PSMD6: variants seen among roughly 807,000 people sequenced by gnomAD.
PSMD6 encodes the protein proteasome 26S subunit, non-ATPase 6.
In PSMD6, 7 loss-of-function variants were observed where a neutral mutation model predicts 44.9. That is an observed-to-expected ratio of 0.16 (90% CI 0.09 to 0.29). The LOEUF is 0.29. Ranked by LOEUF, PSMD6 falls within the 10% of genes least tolerant of loss-of-function variation. The probability of loss-of-function intolerance (pLI) is 1.00; values close to 1 mark genes in which losing one functional copy is unlikely to be tolerated. For synonymous variants in PSMD6, 184 were observed against 172.7 expected (o/e 1.07, Z -0.51); for missense variants, 420 against 482.6 (o/e 0.87, Z 1.21).
chr3:64,023,616 C>G, upstream of PSMD6: 4 of 1,417,274 alleles, frequency 2.8e-6, no homozygotes, highest in Non-Finnish European at 3.7e-6. Context: ...TGTGTGGTCA[C>G]GGGGGCTTTT....
Position 64,019,352 on chromosome 3 carries a change from A to G in PSMD6, c.441T>C (p.Ile147=), listed in dbSNP as rs146238043. ...RLDIVFYLLR[I]GLFYMDNDLI... Reference sequence around the variant, plus strand: ...GATCATTATCCATATAAAATAAGCCAATCCTAAGGAGATAGAATACAATAT... The same window carrying G: ...GATCATTATCCATATAAAATAAGCCGATCCTAAGGAGATAGAATACAATAT... Residue 147 remains isoleucine, a synonymous_variant, in exon 3 of 8, where the codon ATT becomes ATC. Coordinates refer to ENST00000295901, the MANE Select transcript of PSMD6 (RefSeq NM_014814.3). 55 of 1,600,574 alleles carry G rather than the reference A, an allele frequency of 3.4e-5. 1 individual carries two copies. The Admixed American group carries it at 7.3e-4, about 21-fold the overall frequency.
At chr3:64,013,380 TCA>T in intron 6 of PSMD6, 57 bp downstream of exon 6, 1 of 1,437,060 alleles carries the variant, frequency 7.0e-7, no homozygotes, top group Non-Finnish European at 9.3e-7. Context: ...TTGTACAAGT[TCA>T]CATATTTTAA....
chr3:64,015,471 G>A (rs2076028210), intron 5 of PSMD6: 1 of 152,178 alleles, frequency 6.6e-6, no homozygotes, highest in Non-Finnish European at 1.5e-5. Context: ...ATACTAGGAA[G>A]TCCTTAAGAA....
At chr3:64,022,649 G>A (rs778419754) in intron 1 of PSMD6, 126 bp from the exon 2 acceptor site, 10 of 1,551,084 alleles carry the variant, frequency 6.4e-6, no homozygotes, top group Non-Finnish European at 8.7e-6. Flanking sequence ...TAACAGGAAG[G>A]CATGCGATGG....
intron 1 of PSMD6, 95 bp downstream of exon 1, chr3:64,023,180 G>T (rs953255493): frequency 6.9e-7 from 1 of 1,450,412 alleles, no homozygotes; most frequent in South Asian, 1.4e-5. Flanking sequence ...CCGTCAGAGG[G>T]GTCTGGAGCT....
In PSMD6 at chr3:64,023,425, C is replaced by T; in HGVS notation, c.-6G>A. ...TCCAGGTTCTCCAGCGGCATCGCGG[C>T]GAAGGGGACAGCGGCTGACAGGACA... On this transcript the variant is annotated 5_prime_UTR_variant, in exon 1 of 8. Coordinates refer to ENST00000295901, the MANE Select transcript of PSMD6 (RefSeq NM_014814.3). The T allele has an allele frequency of 2.5e-6, 4 of 1,595,026 alleles. No homozygotes were observed. The highest frequency in any genetic ancestry group is 3.4e-6 in the Non-Finnish European group (4 of 1,167,786).
chr3:64,017,303 C>T (rs1326826818), intron 5 of PSMD6: 2 of 152,026 alleles, frequency 1.3e-5, no homozygotes, highest in African/African-American at 4.8e-5. Context: ...TGATTTATAC[C>T]TCAGTTTTTT....
At chr3:64,013,694 C>CAACA (rs2075998304) in intron 5 of PSMD6, 87 bp from the exon 6 acceptor site, 1 of 1,200,840 alleles carries the variant, frequency 8.3e-7, no homozygotes, top group Admixed American at 2.9e-5. Flanking sequence ...TAGTTGAGTC[C>CAACA]AACAGATAGA....
At chr3:64,013,815 G>C (rs2076001033) in intron 5 of PSMD6, 1 of 403,460 alleles carries the variant, frequency 2.5e-6, no homozygotes, top group Non-Finnish European at 4.4e-6. Context: ...TCAAGTAACA[G>C]GTGGCTATTT....
At chr3:64,022,876 G>C in intron 1 of PSMD6, 1 of 1,512,836 alleles carries the variant, frequency 6.6e-7, no homozygotes, top group East Asian at 2.5e-5. Context: ...CACTACAGAA[G>C]GGCCAGAAAG....
intron 2 of PSMD6, among the ~76,000 whole-genome samples, chr3:64,020,241 A>G (rs371495300): frequency 1.3e-5 from 2 of 152,204 alleles, no homozygotes; most frequent in African/African-American, 4.8e-5. Flanking sequence ...CACCATAAAG[A>G]ATAAGACTCT....
upstream of PSMD6, chr3:64,023,517 C>T (rs1436643630): frequency 9.1e-6 from 13 of 1,434,964 alleles, no homozygotes; most frequent in African/African-American, 1.5e-5. Context: ...CGGCCGCCTG[C>T]GGCCCGGCTT....
chr3:64,015,465 T>A (rs920059153), intron 5 of PSMD6: 2 of 152,246 alleles, frequency 1.3e-5, no homozygotes, highest in African/African-American at 4.8e-5. Flanking sequence ...ATTGAAATAC[T>A]AGGAAGTCCT....
intron 6 of PSMD6, chr3:64,011,770 A>G (rs983170642): frequency 1.3e-5 from 2 of 152,204 alleles, no homozygotes; most frequent in African/African-American, 2.4e-5. Context: ...GCCCCTAACT[A>G]ATGAAGGCTT....
rs774301078 is a variant in PSMD6 at position 64,019,067 on chromosome 3, C to A, written c.498-30G>T. On this transcript the variant is annotated intron_variant, in intron 3 of 7. Transcript: ENST00000295901. The stretch of plus-strand genomic sequence containing the variant: ...GAAATAAAAACAGTAAGATCATAGT[C>A]TGGAAACAGACAAGGCCACGTTTTA... 1.5e-5 allele frequency: 24 copies of A among 1,557,248 alleles called. 1 individual carries two copies. Among genetic ancestry groups the A allele is most frequent in the African/African-American group, 2.7e-5 (2 of 73,294 alleles).
Position 64,010,781 on chromosome 3 carries a change from G to GA in PSMD6, c.1074-18dup, listed in dbSNP as rs769787602. The GA allele has an allele frequency of 1.4e-5, 22 of 1,584,754 alleles. No individual in the cohort carries two copies. Among genetic ancestry groups the GA allele is most frequent in the African/African-American group, 5.4e-5 (4 of 73,728 alleles). On this transcript the variant is annotated splice_polypyrimidine_tract_variant and intron_variant, in intron 7 of 7. Coordinates refer to ENST00000295901, the MANE Select transcript of PSMD6 (RefSeq NM_014814.3). ...CTATCAGGTCTATAAATAAATTCAA[G>GA]AAAAAATGAATTATTTACCAGTCAC...
intron 2 of PSMD6, among the ~76,000 whole-genome samples, chr3:64,021,845 T>G (rs776455703): frequency 2.1e-4 from 32 of 151,358 alleles, no homozygotes; most frequent in Non-Finnish European, 1.5e-4. Flanking sequence ...AAAGTTTGCA[T>G]AAATGCACAA....
intron 2 of PSMD6, among the ~76,000 whole-genome samples, chr3:64,021,204 C>G (rs1048446299): frequency 2.0e-5 from 3 of 151,956 alleles, no homozygotes; most frequent in Non-Finnish European, 4.4e-5. Context: ...AAAGCAAAAA[C>G]AGATGAAAAC....
intron 5 of PSMD6, chr3:64,015,716 G>A (rs531310078): frequency 2.6e-5 from 4 of 152,134 alleles, no homozygotes; most frequent in Admixed American, 1.3e-4. Flanking sequence ...GGATAACAGT[G>A]CCCCTGAAGG....
Sources: gnomAD v4.1 joint callset for allele counts (sites outside exome capture counted in the v4.1 genomes callset) on GRCh38, gnomAD v4.1.1 for gene constraint, MANE v1.5 for transcripts, NCBI Gene and HGNC (gene_info 2026-07-23, HGNC 2026-07-21) for gene names.